The following PIK3C3 variants were observed in gnomAD, a reference collection of about 807,000 sequenced individuals.
PIK3C3 encodes PI3-kinase type 3.
Under a neutral mutation model 126.1 loss-of-function variants are expected in PIK3C3, and 95 were observed. The ratio of observed to expected loss-of-function variants is 0.75; its 90% CI spans 0.64 to 0.89. The LOEUF (loss-of-function observed/expected upper bound fraction) is 0.89. PIK3C3 is among the 40% of genes least tolerant of loss of function. The pLI is 0.00. For missense variants in PIK3C3, 829 were observed against 1,063.2 expected (o/e 0.78, Z 3.06); for synonymous variants, 374 against 360.0 (o/e 1.04, Z -0.44).
intron 10 of PIK3C3, among the ~76,000 whole-genome samples, chr18:42,004,883 C>A (rs1368906283): frequency 6.6e-6 from 1 of 152,148 alleles, no homozygotes; most frequent in Non-Finnish European, 1.5e-5. Flanking sequence ...GGGAATAATT[C>A]AGATCTCCTC....
chr18:42,061,309 A>G (rs1369743396), intron 22 of PIK3C3, among the ~76,000 whole-genome samples: 4 of 152,128 alleles, frequency 2.6e-5, no homozygotes, highest in Non-Finnish European at 2.9e-5. Flanking sequence ...TTGGCCGGGC[A>G]GGGTGGCTCA....
intron 13 of PIK3C3, among the ~76,000 whole-genome samples, chr18:42,022,492 AAC>A (rs570922990): frequency 1.2e-4 from 19 of 152,264 alleles, no homozygotes; most frequent in Admixed American, 5.9e-4. Context: ...GCACTCTTTT[AAC>A]ACACACAATT....
chr18:42,016,065 A>G (rs933605957), intron 12 of PIK3C3, among the ~76,000 whole-genome samples: 2 of 152,168 alleles, frequency 1.3e-5, no homozygotes, highest in Non-Finnish European at 2.9e-5. Context: ...TGTAGTACAT[A>G]TTTTTTAATT....
In PIK3C3 at chr18:41,957,553, T is replaced by A. The variant is rs1979846263; in HGVS notation, c.69-17T>A. 1 of 1,600,180 alleles carries A rather than the reference T, an allele frequency of 6.2e-7. No homozygotes were observed. The highest frequency in any genetic ancestry group is 8.5e-7 in the Non-Finnish European group (1 of 1,176,644). On this transcript the variant is annotated splice_polypyrimidine_tract_variant and intron_variant, in intron 1 of 24. Coordinates refer to ENST00000262039, the MANE Select transcript of PIK3C3 (RefSeq NM_002647.4). ...AAAAAATTCATGTCTGAAACATTGT[T>A]GGTCTTGTGCTTTCAGAGGAAGCTT...
rs1414299345 is a variant in PIK3C3, at chr18:42,083,359, C to A, written c.*2222C>A. On this transcript the variant is annotated 3_prime_UTR_variant, in exon 25 of 25. Transcript: ENST00000262039. ...GAGAAATGTATTTGTGAGGACACAT[C>A]ACTTTAATTAAAAAAGTGTGAGTAC... 6.6e-6 allele frequency: 1 copy of A among 152,116 alleles called. No individual in the cohort carries two copies. Among genetic ancestry groups the A allele is most frequent in the Non-Finnish European group, 1.5e-5 (1 of 68,028 alleles). 9.4% of individuals were successfully genotyped at this position (152,116 alleles called of 1,614,324 possible).
At chr18:42,005,728 T>TGAGATCATTGAAATAGCCAGAAAAA (rs1555633725) in intron 10 of PIK3C3, among the ~76,000 whole-genome samples, 3 of 145,318 alleles carry the variant, frequency 2.1e-5, no homozygotes, top group East Asian at 6.9e-4. Flanking sequence ...GAATTAGTGG[T>TGAGATCATTGAAATAGCCAGAAAAA]ATCTGAATTT....
intron 12 of PIK3C3, among the ~76,000 whole-genome samples, chr18:42,015,906 C>T (rs1298251945): frequency 6.6e-6 from 1 of 152,018 alleles, no homozygotes; most frequent in African/African-American, 2.4e-5. Flanking sequence ...GTGATTACAT[C>T]GTAGAAATGT....
chr18:41,979,404 C>T (rs764618135), intron 4 of PIK3C3, among the ~76,000 whole-genome samples: 1 of 152,090 alleles, frequency 6.6e-6, no homozygotes, highest in Non-Finnish European at 1.5e-5. Flanking sequence ...TGCATGTTAT[C>T]TCTGAAAGAC....
intron 20 of PIK3C3, among the ~76,000 whole-genome samples, chr18:42,048,324 A>G (rs553128530): frequency 2.1e-4 from 32 of 152,302 alleles, no homozygotes; most frequent in African/African-American, 7.0e-4. Context: ...AACTACAGTC[A>G]TCATGTCGCA....
intron 21 of PIK3C3, among the ~76,000 whole-genome samples, chr18:42,057,066 C>T (rs1433211291): frequency 1.0e-5 from 1 of 97,450 alleles, no homozygotes; most frequent in African/African-American, 4.7e-5. Flanking sequence ...GAACCCCCCC[C>T]CCCGTGTTGA....
At chr18:41,993,130 G>A in intron 6 of PIK3C3, 140 bp from the exon 7 acceptor site, 1 of 519,894 alleles carries the variant, frequency 1.9e-6, no homozygotes, top group Non-Finnish European at 3.4e-6. Flanking sequence ...TTATAATATT[G>A]TTAGAAGAAG....
chr18:42,045,545 G>A (rs565891692), intron 20 of PIK3C3, among the ~76,000 whole-genome samples: 1 of 152,190 alleles, frequency 6.6e-6, no homozygotes, highest in African/African-American at 2.4e-5. Context: ...GGGCCTCTTA[G>A]AGCTGGGTTC....
intron 16 of PIK3C3, among the ~76,000 whole-genome samples, chr18:42,035,568 A>G (rs1316093029): frequency 6.6e-6 from 1 of 152,146 alleles, no homozygotes; most frequent in East Asian, 1.9e-4. Context: ...GTATATGGGC[A>G]TTCTTAAAAA....
intron 12 of PIK3C3, among the ~76,000 whole-genome samples, chr18:42,016,280 A>G (rs1983070728): frequency 6.6e-6 from 1 of 152,168 alleles, no homozygotes; most frequent in Non-Finnish European, 1.5e-5. Context: ...ATGTTTGCAT[A>G]TCTTTCGGTA....
chr18:42,035,297 A>T (rs1286802629), intron 16 of PIK3C3, among the ~76,000 whole-genome samples: 1 of 152,136 alleles, frequency 6.6e-6, no homozygotes, highest in African/African-American at 2.4e-5. Context: ...ATATTCTTGA[A>T]CACTAAGGAC....
chr18:42,035,079 C>T (rs1023245664), intron 16 of PIK3C3, among the ~76,000 whole-genome samples: 1 of 152,120 alleles, frequency 6.6e-6, no homozygotes, highest in Non-Finnish European at 1.5e-5. Flanking sequence ...TTAAAACTCT[C>T]TAACAGATTA....
intron 2 of PIK3C3, among the ~76,000 whole-genome samples, chr18:41,961,289 C>T (rs1198804187): frequency 2.0e-5 from 3 of 152,104 alleles, no homozygotes; most frequent in Admixed American, 6.5e-5. Flanking sequence ...TGTTAATTAA[C>T]TTCTGTGGTT....
At chr18:42,017,984 C>G (rs1983152210) in intron 12 of PIK3C3, among the ~76,000 whole-genome samples, 1 of 140,178 alleles carries the variant, frequency 7.1e-6, no homozygotes, top group Admixed American at 7.8e-5. Flanking sequence ...TCTATACTTT[C>G]TTATATATAT....
intron 21 of PIK3C3, among the ~76,000 whole-genome samples, chr18:42,051,522 TCA>T (rs951071862): frequency 6.6e-6 from 1 of 152,076 alleles, no homozygotes; most frequent in African/African-American, 2.4e-5. Flanking sequence ...TGTCATATAT[TCA>T]GTTTTTAATT....
Sources: gnomAD v4.1 joint callset for allele counts (sites outside exome capture counted in the v4.1 genomes callset) on GRCh38, gnomAD v4.1.1 for gene constraint, MANE v1.5 for transcripts, NCBI Gene and HGNC (gene_info 2026-07-23, HGNC 2026-07-21) for gene names.